The following COMT variants were observed in gnomAD, a reference collection of about 807,000 sequenced individuals.
The protein encoded by COMT is catechol O-methyltransferase.
A neutral mutation model predicts 18.9 loss-of-function variants in COMT; 13 were observed. That is an observed-to-expected ratio of 0.69 (90% CI 0.45 to 1.09). The LOEUF (loss-of-function observed/expected upper bound fraction) is 1.09, where lower values mean the gene tolerates loss of function less well. Among genes scored for constraint, COMT ranks in the 50% least tolerant of loss-of-function variants. The pLI, the probability that COMT is intolerant of heterozygous loss-of-function variation, is 0.00. For missense variants in COMT, 329 were observed against 361.8 expected, an observed-to-expected ratio of 0.91 and a Z score of 0.73; for synonymous variants, 150 against 160.9, an observed-to-expected ratio of 0.93 and a Z score of 0.51.
intron 4 of COMT, 86 bp downstream of exon 4, chr22:19,963,845 G>A (rs1942266904): frequency 1.0e-5 from 15 of 1,470,124 alleles, no homozygotes; most frequent in Non-Finnish European, 1.4e-5. Context: ...TCCCCACCAG[G>A]TGTTCACACC....
chr22:19,962,384 G>A, intron 2 of COMT, 143 bp from the exon 3 acceptor site: 2 of 1,430,584 alleles, frequency 1.4e-6, no homozygotes, highest in Non-Finnish European at 9.4e-7. Flanking sequence ...GACACGTCAG[G>A]CAACTGAGGC....
chr22:19,949,937 C>T (rs1235303505), intron 1 of COMT, among the ~76,000 whole-genome samples: 9 of 152,064 alleles, frequency 5.9e-5, no homozygotes, highest in Non-Finnish European at 1.2e-4. Flanking sequence ...GACCAGAATA[C>T]CTTTAGCCAG....
intron 1 of COMT, among the ~76,000 whole-genome samples, chr22:19,949,101 G>A (rs953042640): frequency 6.6e-6 from 1 of 151,946 alleles, no homozygotes; most frequent in Non-Finnish European, 1.5e-5. Flanking sequence ...TTCAAGACCA[G>A]CCTGGGAAAC....
At chr22:19,947,972 C>T (rs1351045827) in intron 1 of COMT, among the ~76,000 whole-genome samples, 1 of 152,186 alleles carries the variant, frequency 6.6e-6, no homozygotes, top group Non-Finnish European at 1.5e-5. Flanking sequence ...GGCTCACACG[C>T]TTGTCTTCTG....
intron 1 of COMT, among the ~76,000 whole-genome samples, chr22:19,947,886 A>G (rs1021312891): frequency 1.3e-5 from 2 of 152,168 alleles, no homozygotes; most frequent in African/African-American, 2.4e-5. Flanking sequence ...CCGCTAAGTA[A>G]CAGGCGTCTT....
At chr22:19,953,410 C>T (rs1029395628) in intron 1 of COMT, among the ~76,000 whole-genome samples, 3 of 152,190 alleles carry the variant, frequency 2.0e-5, no homozygotes, top group Non-Finnish European at 4.4e-5. Flanking sequence ...TCTCCTGCCT[C>T]AGCCTCCCGA....
In COMT at chr22:19,962,759, C is replaced by T; in HGVS notation, c.233C>T (p.Ala78Val). Residue 78 changes from alanine (A) to valine (V), a missense_variant, in exon 3 of 6, where the codon GCC becomes GTC. By Grantham distance (64) the Ala-to-Val change is moderately conservative (BLOSUM62 0). Coordinates refer to ENST00000361682, the MANE Select transcript of COMT (RefSeq NM_000754.4). ...GGGAACGCACAGAGCGTGCTGGAGGCCATTGACACCTACTGCGAGCAGAAG... is the reference window on the plus strand; with the variant it reads ...GGGAACGCACAGAGCGTGCTGGAGGTCATTGACACCTACTGCGAGCAGAAG... ...EPGNAQSVLE[A>V]IDTYCEQKEW... 1 of 1,612,966 alleles carries T rather than the reference C, an allele frequency of 6.2e-7. No individual in the cohort carries two copies.
Position 19,969,401 on chromosome 22 carries a change from C to T in COMT, c.*665C>T, listed in dbSNP as rs1942614310. 6.5e-6 allele frequency: 1 copy of T among 152,740 alleles called. No homozygotes were observed. Among genetic ancestry groups the T allele is most frequent in the Admixed American group, 6.5e-5 (1 of 15,330 alleles). 9.5% of individuals were successfully genotyped at this position (152,740 alleles called of 1,614,324 possible). On this transcript the variant is annotated 3_prime_UTR_variant, in exon 6 of 6. Transcript: ENST00000361682. Reference sequence around the variant, plus strand: ...GAAGCATCTCCTTCCCTACTCCCCACTGGGCCTTGCTTACAGAAGAGGCAA... The same window carrying T: ...GAAGCATCTCCTTCCCTACTCCCCATTGGGCCTTGCTTACAGAAGAGGCAA...
chr22:19,949,772 A>G (rs1371890658), intron 1 of COMT, among the ~76,000 whole-genome samples: 1 of 152,078 alleles, frequency 6.6e-6, no homozygotes, highest in Non-Finnish European at 1.5e-5. Flanking sequence ...CATAACTTGT[A>G]TTTTACAAGT....
chr22:19,960,726 G>A lies in COMT; in HGVS notation c.-91-473G>A, dbSNP rs148304737. On this transcript the variant is annotated intron_variant, in intron 1 of 5. Transcript: ENST00000361682. ...CACCTGCTCGGGGCTCTGGCCTTTG[G>A]CCTTTTCCTGTGAGCTGCATGTTGG... is the stretch of plus-strand genomic sequence containing the variant. Among the ~76,000 whole-genome samples the A allele has an allele frequency of 3.3e-5, 5 of 152,362 alleles. No homozygotes were observed. In the East Asian group the frequency reaches 9.6e-4, roughly 29 times the overall value.
chr22:19,951,232 A>G (rs1331733536), intron 1 of COMT, among the ~76,000 whole-genome samples: 5 of 151,840 alleles, frequency 3.3e-5, no homozygotes, highest in African/African-American at 4.8e-5. Flanking sequence ...TGTGGTGGGC[A>G]CCTATAGTCC....
At chr22:19,957,581 C>T (rs1028893563) in intron 1 of COMT, among the ~76,000 whole-genome samples, 1 of 152,232 alleles carries the variant, frequency 6.6e-6, no homozygotes, top group Non-Finnish European at 1.5e-5. Flanking sequence ...GCTTCATGCT[C>T]TTTAGAGCCA....
chr22:19,967,030 C>T (rs969924431), intron 5 of COMT: 34 of 1,202,250 alleles, frequency 2.8e-5, no homozygotes, highest in South Asian at 1.4e-4. Flanking sequence ...CAGTGTCGGG[C>T]GACAGGCAGG....
intron 1 of COMT, among the ~76,000 whole-genome samples, chr22:19,949,505 C>T (rs1484537270): frequency 6.6e-6 from 1 of 152,164 alleles, no homozygotes; most frequent in African/African-American, 2.4e-5. Context: ...TATCTTCCTC[C>T]CATACTTTGT....
intron 1 of COMT, among the ~76,000 whole-genome samples, chr22:19,956,298 C>T (rs1456480240): frequency 6.1e-5 from 9 of 148,272 alleles, no homozygotes; most frequent in African/African-American, 2.2e-4. Flanking sequence ...CACACCACCA[C>T]GCCCAGCTAA....
intron 1 of COMT, among the ~76,000 whole-genome samples, chr22:19,944,154 G>A (rs1037431620): frequency 3.9e-5 from 6 of 152,298 alleles, no homozygotes; most frequent in Middle Eastern, 3.4e-3. Flanking sequence ...GAAGAGAGTG[G>A]TAGGTAGCCA....
chr22:19,941,818 T>A lies in COMT; in HGVS notation c.-171T>A, dbSNP rs1269109255. The A allele has an allele frequency of 6.6e-6, 10 of 1,514,432 alleles. No individual in the cohort carries two copies. Among genetic ancestry groups the A allele is most frequent in the Non-Finnish European group, 8.8e-6 (10 of 1,140,986 alleles). The allele number at this position is 1,514,432 out of a possible 1,614,324, so 93.8% of individuals were successfully genotyped here. ...ATTGCCGCCATCGTCGTGGGGCTTC[T>A]GGGGCAGCTAGGGCTGCCCGCCGCG... On this transcript the variant is annotated 5_prime_UTR_variant, in exon 1 of 6. Transcript: ENST00000361682.
chr22:19,943,997 T>C (rs1941794974), intron 1 of COMT, among the ~76,000 whole-genome samples: 1 of 152,184 alleles, frequency 6.6e-6, no homozygotes. Context: ...TTCAAGTTTA[T>C]ATCAAGTTTT....
At chr22:19,966,973 T>C (rs1004854242) in intron 5 of COMT, 9 of 985,318 alleles carry the variant, frequency 9.1e-6, no homozygotes, top group African/African-American at 7.0e-5. Flanking sequence ...CGCTGATGCA[T>C]GTTTAGCCAG....
Sources: allele counts gnomAD v4.1 joint callset (sites outside exome capture counted in the v4.1 genomes callset), GRCh38; gene constraint gnomAD v4.1.1; transcripts MANE v1.5; gene names NCBI Gene and HGNC (gene_info 2026-07-23, HGNC 2026-07-21).